The following LANCL2 variants were observed in gnomAD, a reference collection of about 807,000 sequenced individuals.
The protein encoded by LANCL2 is lanC-like protein 2.
LANCL2 carries 33 observed loss-of-function variants against 56.9 expected under a neutral mutation model. The ratio of observed to expected loss-of-function variants is 0.58; its 90% confidence interval spans 0.44 to 0.78. The LOEUF is 0.78. Among genes scored for constraint, LANCL2 ranks in the 30% least tolerant of loss-of-function variants. The pLI, the probability that LANCL2 is intolerant of heterozygous loss-of-function variation, is 0.00. For missense variants in LANCL2, 562 were observed against 580.2 expected (o/e 0.97, Z 0.32); for synonymous variants, 233 against 228.2 (o/e 1.02, Z -0.19).
chr7:55,423,597 G>C (rs922653557), intron 6 of LANCL2, among the ~76,000 whole-genome samples: 1 of 152,238 alleles, frequency 6.6e-6, no homozygotes, highest in African/African-American at 2.4e-5. Flanking sequence ...CGTAGAAAGA[G>C]TAATGGTTAA....
At position 55,365,957 on chromosome 7, in the gene LANCL2, G is replaced by A. The variant is rs1028427404; in HGVS notation, c.-69G>A. ...CTCTGCGCGGGCCCTCGGAGGAGGC[G>A]GCGGCGGGGCGAGCTGCAGCGCCGG... On this transcript the variant is annotated 5_prime_UTR_variant, in exon 1 of 9. Coordinates refer to ENST00000254770, the MANE Select transcript of LANCL2 (RefSeq NM_018697.4). The A allele has an allele frequency of 1.7e-5, 21 of 1,249,800 alleles. No individual in the cohort carries two copies. The highest frequency in any genetic ancestry group is 3.2e-5 in the African/African-American group (2 of 62,700). The allele number at this position is 1,249,800 out of a possible 1,614,324, so 77.4% of individuals were successfully genotyped here.
At chr7:55,386,032 G>A (rs557815489) in intron 1 of LANCL2, among the ~76,000 whole-genome samples, 173 of 152,316 alleles carry the variant, frequency 1.1e-3, no homozygotes, top group Non-Finnish European at 1.7e-3. Flanking sequence ...CTCACTGGCG[G>A]TCAGAGTTTA....
At chr7:55,383,668 G>A (rs1048915610) in intron 1 of LANCL2, among the ~76,000 whole-genome samples, 3 of 151,998 alleles carry the variant, frequency 2.0e-5, no homozygotes, top group Admixed American at 6.6e-5. Context: ...TTATCCTATC[G>A]CCTAAAATAA....
intron 6 of LANCL2, among the ~76,000 whole-genome samples, chr7:55,420,922 G>C (rs1004264705): frequency 6.6e-6 from 1 of 152,174 alleles, no homozygotes; most frequent in African/African-American, 2.4e-5. Context: ...TTGAGGCTCT[G>C]TTCTAATACA....
intron 5 of LANCL2, among the ~76,000 whole-genome samples, chr7:55,408,379 G>C (rs1278639179): frequency 6.6e-6 from 1 of 152,028 alleles, no homozygotes; most frequent in East Asian, 1.9e-4. Context: ...AGAAATGAGG[G>C]ACATAGGCTG....
chr7:55,381,892 G>A (rs1213887547), intron 1 of LANCL2, among the ~76,000 whole-genome samples: 1 of 152,196 alleles, frequency 6.6e-6, no homozygotes, highest in Non-Finnish European at 1.5e-5. Flanking sequence ...TCATAGAATG[G>A]CAAACAAATG....
intron 4 of LANCL2, among the ~76,000 whole-genome samples, chr7:55,400,391 C>T (rs1407990441): frequency 6.6e-6 from 1 of 152,194 alleles, no homozygotes; most frequent in Admixed American, 6.5e-5. Flanking sequence ...AGCTGGTAAG[C>T]ATTTCAGGCT....
At chr7:55,398,074 A>G (rs1790277004) in intron 2 of LANCL2, among the ~76,000 whole-genome samples, 1 of 152,250 alleles carries the variant, frequency 6.6e-6, no homozygotes, top group South Asian at 2.1e-4. Flanking sequence ...AGGATCTACA[A>G]GGGAGAATGA....
chr7:55,385,147 A>G (rs1419365453), intron 1 of LANCL2, among the ~76,000 whole-genome samples: 4 of 152,098 alleles, frequency 2.6e-5, no homozygotes, highest in African/African-American at 9.7e-5. Flanking sequence ...AGATCATGCC[A>G]TTGCACTCCA....
At position 55,427,643 on chromosome 7, in the gene LANCL2, G is replaced by A. The variant is rs138642322; in HGVS notation, c.1186-732G>A. Among the ~76,000 whole-genome samples the A allele has an allele frequency of 4.6e-3, 704 of 152,320 alleles. 1 individual carries two copies. Among genetic ancestry groups the A allele is most frequent in the Non-Finnish European group, 7.3e-3 (494 of 68,018 alleles). The stretch of plus-strand genomic sequence containing the variant: ...AGATGGGCCATCAAACAAGCTAAGA[G>A]TGAGCAGATTGGGAGGGGAAAAGCA... On this transcript the variant is annotated intron_variant, in intron 7 of 8. Transcript: ENST00000254770.
At chr7:55,380,415 G>GTT (rs35619978) in intron 1 of LANCL2, among the ~76,000 whole-genome samples, 2 of 146,978 alleles carry the variant, frequency 1.4e-5, no homozygotes, top group African/African-American at 2.5e-5. Flanking sequence ...ATACTGCATT[G>GTT]TTTTTTTTTT....
chr7:55,403,909 G>T (rs973177914), intron 5 of LANCL2, among the ~76,000 whole-genome samples: 1 of 152,000 alleles, frequency 6.6e-6, no homozygotes, highest in South Asian at 2.1e-4. Flanking sequence ...CCTGTTAATT[G>T]CAGTAGGAAC....
chr7:55,366,406 T>C (rs1022092783), intron 1 of LANCL2, among the ~76,000 whole-genome samples, 177 bp downstream of exon 1: 8 of 152,232 alleles, frequency 5.3e-5, no homozygotes, highest in Non-Finnish European at 8.8e-5. Flanking sequence ...TCCGTGGGCT[T>C]CAGCTGCATG....
chr7:55,431,637 A>C lies in LANCL2; in HGVS notation c.*317A>C, dbSNP rs562332853. ...GAGGGCTCAGAGCTGACCATGCATG[A>C]ATGTATGGCAGTGTCCACTTTTCTG... On this transcript the variant is annotated 3_prime_UTR_variant, in exon 9 of 9. Coordinates refer to ENST00000254770, the MANE Select transcript of LANCL2 (RefSeq NM_018697.4). 5.0e-5 allele frequency: 13 copies of C among 260,558 alleles called. No homozygotes were observed. In the Admixed American group the frequency reaches 6.6e-4, roughly 13 times the overall value. The allele number at this position is 260,558 out of a possible 1,614,324, so 16.1% of individuals were successfully genotyped here. A position where few individuals can be genotyped will look rare whatever the true frequency, so the allele number is the denominator to read the frequency against.
At chr7:55,414,998 AAAAGAAAAG>A (rs1790510738) in intron 6 of LANCL2, among the ~76,000 whole-genome samples, 1 of 134,192 alleles carries the variant, frequency 7.5e-6, no homozygotes, top group Non-Finnish European at 1.5e-5. Context: ...AAAAAAAAAA[AAAAGAAAAG>A]AAAAGAAAAA....
In LANCL2 at chr7:55,433,548, A is replaced by G. The variant is rs1266301953; in HGVS notation, c.*2228A>G. On this transcript the variant is annotated 3_prime_UTR_variant, in exon 9 of 9. Coordinates refer to ENST00000254770, the MANE Select transcript of LANCL2 (RefSeq NM_018697.4). ...AGTTTAAGATAAGTGTTTGAATCAG[A>G]TTTCAGTACATCTCATTCATTTCTT... The G allele has an allele frequency of 6.6e-6, 1 of 152,232 alleles. No homozygotes were observed. Among genetic ancestry groups the G allele is most frequent in the African/African-American group, 2.4e-5 (1 of 41,450 alleles). The allele number at this position is 152,232 out of a possible 1,614,324, so 9.4% of individuals were successfully genotyped here.
At position 55,431,280 on chromosome 7, in the gene LANCL2, G is replaced by A. The variant is rs140816570; in HGVS notation, c.1313G>A (p.Arg438Gln). Residue 438 changes from arginine to glutamine, a missense_variant, in exon 9 of 9, where the codon CGG becomes CAG. Physicochemically the swap from Arg to Gln is conservative, Grantham distance 43. Around this residue, in one of 2 missense-constraint regions of LANCL2, gnomAD observed 378 missense variants for 468.4 expected, o/e 0.81. Transcript: ENST00000254770. ...LSDVLGPETS[R>Q]FPAFELDSSK... ...GATGTCCTGGGACCAGAGACATCACGGTTTCCAGCATTTGAACTTGACTCT... is the reference window on the plus strand; with the variant it reads ...GATGTCCTGGGACCAGAGACATCACAGTTTCCAGCATTTGAACTTGACTCT... 1.8e-4 allele frequency: 296 copies of A among 1,613,832 alleles called. No homozygotes were observed. Among genetic ancestry groups the A allele is most frequent in the South Asian group, 6.7e-4 (61 of 91,032 alleles).
intron 1 of LANCL2, chr7:55,379,787 C>T (rs564450732): frequency 6.6e-6 from 1 of 152,630 alleles, no homozygotes; most frequent in African/African-American, 2.4e-5. Flanking sequence ...CATTTACAAG[C>T]ACATCACCAA....
In LANCL2 at chr7:55,398,664, T is replaced by A. The variant is rs897816965; in HGVS notation, c.530+34T>A. 9.3e-6 allele frequency: 14 copies of A among 1,498,644 alleles called. No homozygotes were observed. The African/African-American group carries it at 1.2e-4, about 13-fold the overall frequency. The allele number at this position is 1,498,644 out of a possible 1,614,324, so 92.8% of individuals were successfully genotyped here. A position where few individuals can be genotyped will look rare whatever the true frequency, so the allele number is the denominator to read the frequency against. The stretch of plus-strand genomic sequence containing the variant: ...TAGAACTGGAAACATTTTCTCCCAA[T>A]TCCCAGTGGAAGCTCTTGCTGTAGA... On this transcript the variant is annotated intron_variant, in intron 3 of 8. Transcript: ENST00000254770.
Sources: allele counts gnomAD v4.1 joint callset (sites outside exome capture counted in the v4.1 genomes callset), GRCh38; gene constraint gnomAD v4.1.1; regional missense constraint gnomAD v4.1.1; transcripts MANE v1.5; gene names NCBI Gene and HGNC (gene_info 2026-07-23, HGNC 2026-07-21).